The following MARCHF5 variants were observed in gnomAD, a reference collection of about 807,000 sequenced individuals.
The protein encoded by MARCHF5 is membrane associated ring-CH-type finger 5.
A neutral mutation model predicts 36.5 loss-of-function variants in MARCHF5; 5 were observed. The ratio of observed to expected loss-of-function variants is 0.14; its 90% CI spans 0.07 to 0.29. The LOEUF is 0.29. Ranked by LOEUF, MARCHF5 falls within the 10% of genes least tolerant of loss-of-function variation. The pLI is 1.00. For missense variants in MARCHF5, 179 were observed against 336.3 expected (o/e 0.53, Z 3.66); for synonymous variants, 103 against 109.9 (o/e 0.94, Z 0.39).
At chr10:92,314,758 G>A (rs1418755633) in intron 2 of MARCHF5, among the ~76,000 whole-genome samples, 7 of 78,026 alleles carry the variant, frequency 9.0e-5, no homozygotes, top group Non-Finnish European at 1.3e-4. Context: ...GCCCCCCCCC[G>A]CCAATAGAGG....
At chr10:92,313,420 C>G (rs529345809) in intron 2 of MARCHF5, among the ~76,000 whole-genome samples, 53 of 151,376 alleles carry the variant, frequency 3.5e-4, no homozygotes, top group African/African-American at 1.2e-3. Context: ...CTGGCTAACA[C>G]AGTGAAACCC....
At chr10:92,301,121 A>G (rs1843006819) in intron 1 of MARCHF5, among the ~76,000 whole-genome samples, 1 of 152,058 alleles carries the variant, frequency 6.6e-6, no homozygotes, top group Admixed American at 6.6e-5. Context: ...TCCTGGTCTC[A>G]AGCAGTCCTC....
chr10:92,348,485 T>C (rs1843682708), intron 3 of MARCHF5, among the ~76,000 whole-genome samples: 1 of 152,084 alleles, frequency 6.6e-6, no homozygotes, highest in South Asian at 2.1e-4. Context: ...CGAGACTCCA[T>C]CTCAAAAACA....
chr10:92,334,796 T>A (rs1480147035), intron 2 of MARCHF5, among the ~76,000 whole-genome samples: 1 of 152,240 alleles, frequency 6.6e-6, no homozygotes, highest in East Asian at 1.9e-4. Flanking sequence ...CCCCAGTAGT[T>A]CTCAGCTCAC....
intron 2 of MARCHF5, among the ~76,000 whole-genome samples, chr10:92,323,113 T>C (rs928480769): frequency 1.3e-5 from 2 of 152,166 alleles, no homozygotes; most frequent in African/African-American, 2.4e-5. Context: ...GCAGTCATAG[T>C]ACACTGCAGC....
At position 92,352,805 on chromosome 10, in the gene MARCHF5, G is replaced by A. The variant is rs1348775813; in HGVS notation, c.*1598G>A. Reference sequence around the variant, plus strand: ...TTTGGAGATGAAGATTTGACTAACAGTGAGCCTTATTAAGAACACTACTAC... The same window carrying A: ...TTTGGAGATGAAGATTTGACTAACAATGAGCCTTATTAAGAACACTACTAC... On this transcript the variant is annotated 3_prime_UTR_variant, in exon 6 of 6. Transcript: ENST00000358935. 2 of 152,562 alleles carry A rather than the reference G, an allele frequency of 1.3e-5. No individual in the cohort carries two copies. The highest frequency in any genetic ancestry group is 6.5e-5 in the Admixed American group (1 of 15,272). 9.5% of individuals were successfully genotyped at this position (152,562 alleles called of 1,614,324 possible).
chr10:92,300,252 A>G (rs1842997487), intron 1 of MARCHF5, among the ~76,000 whole-genome samples: 1 of 151,102 alleles, frequency 6.6e-6, no homozygotes, highest in African/African-American at 2.4e-5. Flanking sequence ...GGCCGAGAGG[A>G]GCAGATTGCT....
intron 2 of MARCHF5, among the ~76,000 whole-genome samples, chr10:92,324,222 GT>G (rs1209948852): frequency 2.0e-5 from 3 of 152,194 alleles, no homozygotes; most frequent in Non-Finnish European, 4.4e-5. Flanking sequence ...CAGAGTGATA[GT>G]TTTCTCATTG....
chr10:92,349,648 C>G, intron 4 of MARCHF5, 23 bp from the exon 5 acceptor site: 1 of 1,610,744 alleles, frequency 6.2e-7, no homozygotes, highest in Non-Finnish European at 8.5e-7. Flanking sequence ...TTAGCACTAA[C>G]GCACTGCATT....
At chr10:92,315,990 CA>C (rs749919550) in intron 2 of MARCHF5, among the ~76,000 whole-genome samples, 1 of 152,186 alleles carries the variant, frequency 6.6e-6, no homozygotes, top group East Asian at 1.9e-4. Flanking sequence ...AAACTTTTAT[CA>C]CTTTTTTCTC....
At chr10:92,302,314 C>T (rs1290878014) in intron 1 of MARCHF5, among the ~76,000 whole-genome samples, 1 of 152,192 alleles carries the variant, frequency 6.6e-6, no homozygotes, top group Non-Finnish European at 1.5e-5. Context: ...GGTACTTTAA[C>T]TTCCATTCCA....
At chr10:92,343,873 TTA>T (rs776768957) in intron 3 of MARCHF5, among the ~76,000 whole-genome samples, 5 of 152,188 alleles carry the variant, frequency 3.3e-5, no homozygotes, top group Non-Finnish European at 5.9e-5. Flanking sequence ...CCGGCAGTCT[TTA>T]TGTTTTTTAT....
intron 2 of MARCHF5, among the ~76,000 whole-genome samples, chr10:92,337,861 T>C (rs1843523399): frequency 1.3e-5 from 2 of 151,878 alleles, no homozygotes; most frequent in African/African-American, 2.4e-5. Flanking sequence ...TGTTCTCTTA[T>C]GGCTTCAGTT....
In MARCHF5 at chr10:92,350,075, A is replaced by G. The variant is rs567356795; in HGVS notation, c.720+238A>G. 25 of 451,200 alleles carry G rather than the reference A, an allele frequency of 5.5e-5. No individual in the cohort carries two copies. In the South Asian group the frequency reaches 5.9e-4, roughly 11 times the overall value. The allele number at this position is 451,200 out of a possible 1,614,324, so 27.9% of individuals were successfully genotyped here. The stretch of plus-strand genomic sequence containing the variant: ...GCTTTCTCTCCTGGCATATGCATGA[A>G]TCATCACACCTGTCCCTCTTGCCAG... On this transcript the variant is annotated intron_variant, in intron 5 of 5. Coordinates refer to ENST00000358935, the MANE Select transcript of MARCHF5 (RefSeq NM_017824.5).
At chr10:92,313,824 T>C (rs1419743659) in intron 2 of MARCHF5, among the ~76,000 whole-genome samples, 1 of 152,040 alleles carries the variant, frequency 6.6e-6, no homozygotes, top group African/African-American at 2.4e-5. Context: ...GCCTGTGAGG[T>C]GGAGGCCACA....
At chr10:92,293,654 G>A (rs1842917660) in intron 1 of MARCHF5, among the ~76,000 whole-genome samples, 1 of 149,480 alleles carries the variant, frequency 6.7e-6, no homozygotes, top group Admixed American at 6.7e-5. Flanking sequence ...GTAGTGGCGT[G>A]GGCCTGTAGT....
chr10:92,337,078 C>T (rs1201403849), intron 2 of MARCHF5, among the ~76,000 whole-genome samples: 2 of 150,194 alleles, frequency 1.3e-5, no homozygotes, highest in African/African-American at 2.5e-5. Context: ...GCCAAGATGA[C>T]GCCATTGCAC....
intron 2 of MARCHF5, among the ~76,000 whole-genome samples, chr10:92,324,901 G>A (rs563147358): frequency 2.0e-4 from 31 of 151,930 alleles, no homozygotes; most frequent in South Asian, 6.2e-4. Context: ...ATGGCCTAAC[G>A]TAGGTTTATC....
chr10:92,307,798 C>T (rs1054196579), intron 1 of MARCHF5, among the ~76,000 whole-genome samples: 3 of 151,898 alleles, frequency 2.0e-5, no homozygotes, highest in Admixed American at 6.6e-5. Context: ...TCGCTTGAAC[C>T]GGGAGGCGGA....
Sources: gnomAD v4.1 joint callset for allele counts (sites outside exome capture counted in the v4.1 genomes callset) on GRCh38, gnomAD v4.1.1 for gene constraint, MANE v1.5 for transcripts, NCBI Gene and HGNC (gene_info 2026-07-23, HGNC 2026-07-21) for gene names.